The following CELF2 variants were observed in gnomAD, a reference collection of about 807,000 sequenced individuals.
CELF2 encodes CUGBP Elav-like family member 2, also known as CUG triplet repeat RNA-binding protein 2.
A neutral mutation model predicts 62.6 loss-of-function variants in CELF2; 8 were observed. The observed-to-expected ratio is 0.13, with a 90% CI of 0.07 to 0.23. CELF2 has a LOEUF of 0.23. Among genes scored for constraint, CELF2 ranks in the 10% least tolerant of loss-of-function variants. The pLI, the probability that CELF2 is intolerant of heterozygous loss-of-function variation, is 1.00. For missense variants in CELF2, 333 were observed against 671.0 expected, an observed-to-expected ratio of 0.50 and a Z score of 5.56; for synonymous variants, 258 against 250.0, an observed-to-expected ratio of 1.03 and a Z score of -0.30.
chr10:10,976,156 T>G (rs2136276611), intron 2 of CELF2, among the ~76,000 whole-genome samples: 1 of 152,348 alleles, frequency 6.6e-6, no homozygotes, highest in East Asian at 1.9e-4. Flanking sequence ...TGGTTTCCAC[T>G]GGTGTCTTAA....
chr10:10,503,201 T>C, the CELF2 span, among the ~76,000 whole-genome samples: 1 of 152,018 alleles, frequency 6.6e-6, no homozygotes, highest in Non-Finnish European at 1.5e-5. Context: ...CATATTCTGC[T>C]ATTGCTGAGT....
At chr10:10,892,758 C>A (rs2062239772) in intron 1 of CELF2, among the ~76,000 whole-genome samples, 1 of 152,178 alleles carries the variant, frequency 6.6e-6, no homozygotes. Context: ...AAACTGCCAG[C>A]CTTGCTCCTA....
chr10:10,701,792 C>T, the CELF2 span, among the ~76,000 whole-genome samples: 4 of 152,202 alleles, frequency 2.6e-5, no homozygotes, highest in Non-Finnish European at 5.9e-5. Context: ...TCTGCCATCA[C>T]CTCGCTTAGA....
chr10:10,892,948 C>G (rs1187645916), intron 1 of CELF2, among the ~76,000 whole-genome samples: 2 of 152,312 alleles, frequency 1.3e-5, no homozygotes, highest in South Asian at 4.1e-4. Context: ...GAAAGTCAAA[C>G]AAAGAAAGAG....
At chr10:10,480,231 C>T in the CELF2 span, among the ~76,000 whole-genome samples, 1 of 152,128 alleles carries the variant, frequency 6.6e-6, no homozygotes, top group Non-Finnish European at 1.5e-5. Flanking sequence ...ACACGGGAGC[C>T]CAAAGCCTCC....
chr10:10,620,529 A>G, the CELF2 span, among the ~76,000 whole-genome samples: 1 of 151,376 alleles, frequency 6.6e-6, no homozygotes, highest in Non-Finnish European at 1.5e-5. Context: ...AATAGTTCCT[A>G]TCTGGCCCTA....
At chr10:11,116,101 G>A (rs1009074891) in intron 1 of CELF2, among the ~76,000 whole-genome samples, 1 of 152,108 alleles carries the variant, frequency 6.6e-6, no homozygotes, top group African/African-American at 2.4e-5. Context: ...GTAATTTCTC[G>A]ATAAAATCCT....
At chr10:10,652,978 T>C in the CELF2 span, among the ~76,000 whole-genome samples, 18,419 of 151,802 alleles carry the variant, frequency 0.12, 1,375 homozygotes, top group Non-Finnish European at 0.17. Flanking sequence ...ACCCATCTCA[T>C]GTGCAGAGAC....
At chr10:10,662,213 C>T in the CELF2 span, among the ~76,000 whole-genome samples, 97 of 152,326 alleles carry the variant, frequency 6.4e-4, no homozygotes, top group African/African-American at 2.1e-3. Context: ...CTTCATATCA[C>T]AATTTACCTG....
chr10:10,619,824 ATTCTGGAGAAAAAGAATT>A, the CELF2 span, among the ~76,000 whole-genome samples: 1 of 152,210 alleles, frequency 6.6e-6, no homozygotes, highest in Non-Finnish European at 1.5e-5. Context: ...TGGTGCCAAC[ATTCTGGAGAAAAAGAATT>A]GCTTTACCTA....
At chr10:10,831,864 C>T (rs1174398059) in intron 1 of CELF2, among the ~76,000 whole-genome samples, 2 of 152,104 alleles carry the variant, frequency 1.3e-5, no homozygotes, top group Admixed American at 6.5e-5. Flanking sequence ...CCCAGCTACT[C>T]AGGAGGCTGA....
At chr10:10,651,023 G>A in the CELF2 span, among the ~76,000 whole-genome samples, 53 of 150,018 alleles carry the variant, frequency 3.5e-4, 1 homozygote, top group South Asian at 1.3e-3. Context: ...CGCACCGTGC[G>A]CGAGCCGAAG....
chr10:10,889,071 GA>G (rs2061959428), intron 1 of CELF2, among the ~76,000 whole-genome samples: 1 of 152,176 alleles, frequency 6.6e-6, no homozygotes, highest in Non-Finnish European at 1.5e-5. Flanking sequence ...TCTCTTGTCA[GA>G]AATGCAAAAC....
the CELF2 span, among the ~76,000 whole-genome samples, chr10:10,706,882 C>A: frequency 6.6e-6 from 1 of 152,212 alleles, no homozygotes; most frequent in Non-Finnish European, 1.5e-5. Context: ...ATTACCATCT[C>A]TGTGCTCCTG....
chr10:11,326,530 G>A (rs1391104799), intron 12 of CELF2, among the ~76,000 whole-genome samples: 1 of 152,336 alleles, frequency 6.6e-6, no homozygotes, highest in Middle Eastern at 3.4e-3. Flanking sequence ...GCGTGCAGCT[G>A]TTATCAGAGA....
Position 10,887,135 on chromosome 10 carries a change from CT to C in CELF2, c.54-32816del, listed in dbSNP as rs200724085. On this transcript the variant is annotated intron_variant, in intron 1 of 13. Transcript: ENST00000636488. ...TTCCCAGATTTGTAGCATTGTTACT[CT>C]TTTTTTTTTTTTCCTAAGCTCCACT... Among the ~76,000 whole-genome samples, 570 of 145,928 alleles carry C rather than the reference CT, an allele frequency of 3.9e-3. 5 individuals carry two copies. The highest frequency in any genetic ancestry group is 0.026 in the East Asian group (133 of 5,042).
intron 9 of CELF2, among the ~76,000 whole-genome samples, chr10:11,292,346 T>C (rs2092638341): frequency 6.6e-6 from 1 of 152,248 alleles, no homozygotes; most frequent in Admixed American, 6.5e-5. Context: ...ACTGTTGTTC[T>C]TGCACACCTG....
rs540336298 is a variant in CELF2 at position 11,207,697 on chromosome 10, C to T, written c.272-9728C>T. On this transcript the variant is annotated intron_variant, in intron 2 of 12. Coordinates refer to ENST00000633077, the MANE Select transcript of CELF2 (RefSeq NM_001326342.2). This position sits in a 1 kb window ranked among gnomAD's most constrained non-coding sequence, Gnocchi z 4.1. ...CCACATAACTCACATACGGAAGGCCCGATGGCAGCATCGCCCGTCAGCTTC... is the reference window on the plus strand; with the variant it reads ...CCACATAACTCACATACGGAAGGCCTGATGGCAGCATCGCCCGTCAGCTTC... 2.6e-5 allele frequency among the ~76,000 whole-genome samples: 4 copies of T among 152,300 alleles called. No individual in the cohort carries two copies. The highest frequency in any genetic ancestry group is 2.0e-4 in the Admixed American group (3 of 15,306).
At chr10:11,313,484 G>C (rs1266797286) in intron 9 of CELF2, among the ~76,000 whole-genome samples, 2 of 152,160 alleles carry the variant, frequency 1.3e-5, no homozygotes, top group African/African-American at 4.8e-5. Flanking sequence ...TTTCTAGAAA[G>C]CAGCAACTTA....
Sources: gnomAD v4.1 joint callset for allele counts (sites outside exome capture counted in the v4.1 genomes callset) on GRCh38, gnomAD v4.1.1 for gene constraint, Gnocchi (gnomAD v3.1) non-coding constraint, MANE v1.5 for transcripts, NCBI Gene and HGNC (gene_info 2026-07-23, HGNC 2026-07-21) for gene names.